The following MTG1 variants were observed in gnomAD, a reference collection of about 807,000 sequenced individuals.
MTG1 encodes mitochondrial ribosome associated GTPase 1, also known as mitochondrial ribosome-associated GTPase 1.
In MTG1, 30 loss-of-function variants were observed where a neutral mutation model predicts 39.5. The ratio of observed to expected loss-of-function variants is 0.76; its 90% confidence interval spans 0.57 to 1.03. The LOEUF (loss-of-function observed/expected upper bound fraction) is 1.03. MTG1 is among the 50% of genes least tolerant of loss of function. The pLI is 0.00. For missense variants in MTG1, 513 were observed against 447.4 expected, an observed-to-expected ratio of 1.15 and a Z score of -1.32; for synonymous variants, 217 against 179.0, an observed-to-expected ratio of 1.21 and a Z score of -1.69.
rs909022912 is a variant in MTG1, at chr10:133,421,010, T to G, written c.*845T>G. ...AAGAGGGAAGAGGAAGGAAGGTGGG[T>G]GGGGCTGGTAGTATGGACTAAGGTG... On this transcript the variant is annotated 3_prime_UTR_variant, in exon 11 of 11. Coordinates refer to ENST00000317502, the MANE Select transcript of MTG1 (RefSeq NM_138384.4). 6.6e-6 allele frequency: 1 copy of G among 152,534 alleles called. No individual in the cohort carries two copies. Among genetic ancestry groups the G allele is most frequent in the African/African-American group, 2.4e-5 (1 of 41,446 alleles). The allele number at this position is 152,534 out of a possible 1,614,324, so 9.4% of individuals were successfully genotyped here.
At chr10:133,400,056 G>A (rs1306967456) in intron 6 of MTG1, among the ~76,000 whole-genome samples, 6 of 152,150 alleles carry the variant, frequency 3.9e-5, no homozygotes, top group Non-Finnish European at 8.8e-5. Context: ...GGTGGGTGTG[G>A]TGGCGGGCAC....
intron 3 of MTG1, among the ~76,000 whole-genome samples, chr10:133,397,144 C>T (rs1489531392): frequency 1.3e-5 from 2 of 152,234 alleles, no homozygotes; most frequent in African/African-American, 2.4e-5. Flanking sequence ...TCTTGTACAC[C>T]TGGCTCTGTC....
intron 9 of MTG1, among the ~76,000 whole-genome samples, chr10:133,404,935 G>A (rs935098883): frequency 6.6e-6 from 1 of 152,182 alleles, no homozygotes; most frequent in Non-Finnish European, 1.5e-5. Flanking sequence ...TTTAATATGA[G>A]ATTTGAAATC....
chr10:133,407,956 A>G (rs1417457706), intron 9 of MTG1, among the ~76,000 whole-genome samples: 1 of 152,126 alleles, frequency 6.6e-6, no homozygotes, highest in Admixed American at 6.5e-5. Context: ...TATCAGTTCT[A>G]ATAGTTTTTT....
At chr10:133,396,060 G>C in intron 2 of MTG1, 103 bp from the exon 3 acceptor site, 1 of 1,091,100 alleles carries the variant, frequency 9.2e-7, no homozygotes, top group South Asian at 1.3e-5. Flanking sequence ...TCCTGTACTT[G>C]AGGAATGAAT....
At chr10:133,418,347 A>T (rs938855557) in intron 9 of MTG1, among the ~76,000 whole-genome samples, 1 of 151,902 alleles carries the variant, frequency 6.6e-6, no homozygotes, top group African/African-American at 2.4e-5. Context: ...TAGGTGATGG[A>T]TATCTACATT....
At position 133,395,789 on chromosome 10, in the gene MTG1, C is replaced by A. The variant is rs1162249117; in HGVS notation, c.177+12C>A. 1 of 1,613,716 alleles carries A rather than the reference C, an allele frequency of 6.2e-7. No homozygotes were observed. Among genetic ancestry groups the A allele is most frequent in the Non-Finnish European group, 8.5e-7 (1 of 1,179,720 alleles). On this transcript the variant is annotated intron_variant, in intron 2 of 10. Transcript: ENST00000317502. ...TCCACGATGCCCGGATATCCTTTCA[C>A]AGAGCAGGGGAGGCCCCTCTGCCTG...
chr10:133,403,650 G>A (rs1041047797), intron 9 of MTG1, among the ~76,000 whole-genome samples: 4 of 152,328 alleles, frequency 2.6e-5, no homozygotes, highest in African/African-American at 7.2e-5. Context: ...GTCCAGGTGC[G>A]CTGCAGTCTG....
In MTG1 at chr10:133,420,487, T is replaced by G. The variant is rs906998703; in HGVS notation, c.*322T>G. ...AAGCTATAACCTGTAACCTTTAAAA[T>G]CTCCAGTTAAAGGGCCTGTTTCTTA... is the stretch of plus-strand genomic sequence containing the variant. On this transcript the variant is annotated 3_prime_UTR_variant, in exon 11 of 11. Coordinates refer to ENST00000317502, the MANE Select transcript of MTG1 (RefSeq NM_138384.4). The G allele has an allele frequency of 6.7e-6, 2 of 296,846 alleles. No individual in the cohort carries two copies. The highest frequency in any genetic ancestry group is 1.2e-5 in the Non-Finnish European group (2 of 162,156). The allele number at this position is 296,846 out of a possible 1,614,324, so 18.4% of individuals were successfully genotyped here. A position where few individuals can be genotyped will look rare whatever the true frequency, so the allele number is the denominator to read the frequency against.
intron 9 of MTG1, among the ~76,000 whole-genome samples, chr10:133,407,217 G>C (rs1167290517): frequency 6.6e-6 from 1 of 152,206 alleles, no homozygotes; most frequent in African/African-American, 2.4e-5. Context: ...TTTGAAGTCA[G>C]GTAGTGTGAT....
chr10:133,401,496 A>G, intron 6 of MTG1, 33 bp from the exon 7 acceptor site: 1 of 1,530,210 alleles, frequency 6.5e-7, no homozygotes, highest in South Asian at 1.3e-5. Context: ...TGTTTAGTAT[A>G]CATTTGAGCC....
chr10:133,405,448 TAACTG>T (rs1849956327), intron 9 of MTG1, among the ~76,000 whole-genome samples: 1 of 152,236 alleles, frequency 6.6e-6, no homozygotes, highest in Non-Finnish European at 1.5e-5. Context: ...AGATTCCTGT[TAACTG>T]AAGTCACTCT....
At chr10:133,409,900 CTTT>C (rs202081065) in intron 9 of MTG1, among the ~76,000 whole-genome samples, 3 of 133,032 alleles carry the variant, frequency 2.3e-5, no homozygotes, top group Admixed American at 7.4e-5. Context: ...TATTCCTGCT[CTTT>C]TTTTTTTTTT....
chr10:133,395,604 G>C, intron 1 of MTG1, 109 bp from the exon 2 acceptor site: 1 of 1,035,966 alleles, frequency 9.7e-7, no homozygotes, highest in South Asian at 1.4e-5. Context: ...CTCAGATATA[G>C]TCTTTTTAGG....
In MTG1 at chr10:133,399,550, G is replaced by A. The variant is rs1478657315; in HGVS notation, c.442G>A (p.Val148Ile). The A allele has an allele frequency of 6.2e-7, 1 of 1,614,174 alleles. No individual in the cohort carries two copies. The highest frequency in any genetic ancestry group is 8.5e-7 in the Non-Finnish European group (1 of 1,180,014). Residue 148 changes from valine to isoleucine, a missense_variant, in exon 6 of 11, where the codon GTC becomes ATC. Val to Ile is a conservative substitution (Grantham distance 29). Coordinates refer to ENST00000317502, the MANE Select transcript of MTG1 (RefSeq NM_138384.4). The part of the protein sequence containing the change: ...RKENLEYCIM[V>I]IGVPNVGKSS... ...GCAGAACCTGGAGTACTGTATCATG[G>A]TCATTGGGGTCCCCAACGTGGGCAA...
At chr10:133,397,786 T>TG (rs905319868) in intron 3 of MTG1, among the ~76,000 whole-genome samples, 1 of 151,718 alleles carries the variant, frequency 6.6e-6, no homozygotes, top group African/African-American at 2.4e-5. Context: ...CCTGTTTTTT[T>TG]TTTTTTTTTA....
chr10:133,408,201 G>A (rs896477401), intron 9 of MTG1, among the ~76,000 whole-genome samples: 1 of 152,222 alleles, frequency 6.6e-6, no homozygotes, highest in Non-Finnish European at 1.5e-5. Context: ...CTGTGGGCTT[G>A]TCATGCGTGG....
intron 6 of MTG1, among the ~76,000 whole-genome samples, chr10:133,400,019 C>T (rs146579315): frequency 1.3e-5 from 2 of 152,026 alleles, no homozygotes; most frequent in Admixed American, 6.6e-5. Flanking sequence ...GGTGAAACCC[C>T]GTCTCTACTA....
At chr10:133,416,571 A>T in intron 9 of MTG1, among the ~76,000 whole-genome samples, 1 of 107,858 alleles carries the variant, frequency 9.3e-6, no homozygotes. Flanking sequence ...ACCCCACAAC[A>T]GTCCCAGGTG....
Sources: allele counts gnomAD v4.1 joint callset (sites outside exome capture counted in the v4.1 genomes callset), GRCh38; gene constraint gnomAD v4.1.1; transcripts MANE v1.5; gene names NCBI Gene and HGNC (gene_info 2026-07-23, HGNC 2026-07-21).